The following ADGRL2 variants were observed in gnomAD, a reference collection of about 807,000 sequenced individuals.
ADGRL2 encodes calcium-independent alpha-latrotoxin receptor 2.
A neutral mutation model predicts 157.4 loss-of-function variants in ADGRL2; 44 were observed. The observed-to-expected ratio is 0.28, with a 90% CI of 0.22 to 0.36. The LOEUF is 0.36. ADGRL2 is among the 10% of genes least tolerant of loss of function. The probability of loss-of-function intolerance (pLI) is 1.00; values close to 1 mark genes in which losing one functional copy is unlikely to be tolerated. For synonymous variants in ADGRL2, 585 were observed against 624.7 expected (o/e 0.94, Z 0.95); for missense variants, 1,510 against 1,768.9 (o/e 0.85, Z 2.63).
intron 1 of ADGRL2, among the ~76,000 whole-genome samples, chr1:81,423,997 G>A (rs2077169917): frequency 1.3e-5 from 2 of 152,178 alleles, no homozygotes; most frequent in African/African-American, 4.8e-5. Flanking sequence ...ATCTATAATA[G>A]TTAAGAAGCT....
intron 3 of ADGRL2, among the ~76,000 whole-genome samples, chr1:81,682,103 ATGTGTGTGTGTG>A (rs57943530): frequency 1.4e-5 from 2 of 147,928 alleles, no homozygotes; most frequent in Non-Finnish European, 3.0e-5. Context: ...ATACATATAT[ATGTGTGTGTGTG>A]TGTGTGTGTG....
At chr1:81,430,872 A>C (rs1397907456) in intron 1 of ADGRL2, among the ~76,000 whole-genome samples, 1 of 152,110 alleles carries the variant, frequency 6.6e-6, no homozygotes, top group Non-Finnish European at 1.5e-5. Flanking sequence ...CCAAGTATTT[A>C]TTTGATTTGT....
chr1:81,581,079 G>A lies in ADGRL2; in HGVS notation c.-143+99G>A, dbSNP rs547843523. Reference sequence around the variant, plus strand: ...ATTCCAATATGCTCCTTTTGTAAAAGATGTGGGAAAAAGAGAACACACAAG... The same window carrying A: ...ATTCCAATATGCTCCTTTTGTAAAAAATGTGGGAAAAAGAGAACACACAAG... On this transcript the variant is annotated intron_variant, in intron 3 of 24. Transcript: ENST00000370721. 3.3e-5 allele frequency: 5 copies of A among 152,242 alleles called. No individual in the cohort carries two copies. In the South Asian group the frequency reaches 1.0e-3, roughly 32 times the overall value. 9.4% of individuals were successfully genotyped at this position (152,242 alleles called of 1,614,324 possible).
At chr1:81,987,788 C>G (rs970814867) in intron 22 of ADGRL2, 81 bp from the exon 23 acceptor site, 1 of 262,074 alleles carries the variant, frequency 3.8e-6, no homozygotes, top group Non-Finnish European at 8.1e-6. Flanking sequence ...CCATTTTTTT[C>G]TTAAAATTAT....
At chr1:81,378,327 G>A (rs571249803) in intron 1 of ADGRL2, among the ~76,000 whole-genome samples, 3 of 152,040 alleles carry the variant, frequency 2.0e-5, no homozygotes, top group Non-Finnish European at 4.4e-5. Context: ...GAGGCAAGAG[G>A]ATGGCTTGAG....
chr1:81,846,523 G>A (rs761970351), intron 2 of ADGRL2, among the ~76,000 whole-genome samples: 2 of 151,584 alleles, frequency 1.3e-5, no homozygotes, highest in Non-Finnish European at 2.9e-5. Flanking sequence ...ATGAAGCCTG[G>A]TTAAGTTTTG....
At chr1:81,910,104 G>T (rs1371195173) in intron 3 of ADGRL2, among the ~76,000 whole-genome samples, 1 of 151,960 alleles carries the variant, frequency 6.6e-6, no homozygotes, top group Non-Finnish European at 1.5e-5. Context: ...GCCAGGCGTG[G>T]TGGCAGGCAC....
At chr1:81,691,851 CAT>C (rs371071574) in intron 3 of ADGRL2, among the ~76,000 whole-genome samples, 21 of 106,012 alleles carry the variant, frequency 2.0e-4, no homozygotes, top group Middle Eastern at 6.0e-3. Context: ...GGCAAAATGG[CAT>C]ATATATATAT....
At chr1:81,752,895 A>T (rs2085536301) in intron 1 of ADGRL2, among the ~76,000 whole-genome samples, 1 of 152,264 alleles carries the variant, frequency 6.6e-6, no homozygotes, top group Non-Finnish European at 1.5e-5. Flanking sequence ...AAGAAAATTT[A>T]GTAGAAATAA....
chr1:81,431,292 C>T (rs1348428369), intron 1 of ADGRL2, among the ~76,000 whole-genome samples: 2 of 152,068 alleles, frequency 1.3e-5, no homozygotes, highest in African/African-American at 4.8e-5. Flanking sequence ...GAATTGACTA[C>T]TAGTGGCCAG....
chr1:81,550,809 G>C (rs2080127463), intron 2 of ADGRL2, among the ~76,000 whole-genome samples: 2 of 149,384 alleles, frequency 1.3e-5, no homozygotes, highest in Non-Finnish European at 3.0e-5. Context: ...TATGCTTTCC[G>C]TTCTACCCTC....
chr1:81,831,164 A>G (rs1052580217), intron 1 of ADGRL2, among the ~76,000 whole-genome samples: 1 of 152,152 alleles, frequency 6.6e-6, no homozygotes, highest in East Asian at 1.9e-4. Context: ...TTAAAGATAC[A>G]TTGCTAGTTA....
intron 2 of ADGRL2, among the ~76,000 whole-genome samples, chr1:81,879,919 C>T (rs114505923): frequency 0.02 from 2,979 of 152,172 alleles, 50 homozygotes; most frequent in Non-Finnish European, 0.028. Flanking sequence ...CCCTGCTACT[C>T]AGGTGGCTGA....
At position 81,980,872 on chromosome 1, in the gene ADGRL2, G is replaced by A. The variant is rs779470789; in HGVS notation, c.3113+912G>A. Reference sequence around the variant, plus strand: ...AGAACCCTACATTAACAAATTTATGGCATGATTTGTATTTTTTACAAATTC... The same window carrying A: ...AGAACCCTACATTAACAAATTTATGACATGATTTGTATTTTTTACAAATTC... On this transcript the variant is annotated intron_variant, in intron 18 of 23. Transcript: ENST00000686636. The A allele has an allele frequency of 1.4e-5, 9 of 639,408 alleles. No individual in the cohort carries two copies. The East Asian group carries it at 2.4e-4, about 17-fold the overall frequency. 39.6% of individuals were successfully genotyped at this position (639,408 alleles called of 1,614,324 possible). A position where few individuals can be genotyped will look rare whatever the true frequency, so the allele number is the denominator to read the frequency against.
chr1:81,896,944 G>T (rs967882835), intron 2 of ADGRL2, among the ~76,000 whole-genome samples: 1 of 152,142 alleles, frequency 6.6e-6, no homozygotes, highest in South Asian at 2.1e-4. Context: ...CATTATAGTA[G>T]TGAACCAGAT....
chr1:81,355,835 A>G (rs1196741536), intron 1 of ADGRL2, among the ~76,000 whole-genome samples: 6 of 152,158 alleles, frequency 3.9e-5, no homozygotes, highest in Non-Finnish European at 5.9e-5. Context: ...ACCTGACCTT[A>G]TCTCTGTCTT....
intron 1 of ADGRL2, among the ~76,000 whole-genome samples, chr1:81,826,384 A>G (rs2091482264): frequency 6.6e-6 from 1 of 152,232 alleles, no homozygotes; most frequent in African/African-American, 2.4e-5. Context: ...ACATATGACT[A>G]TATAAAACAT....
At chr1:81,775,720 G>A (rs1439389927) in intron 2 of ADGRL2, among the ~76,000 whole-genome samples, 1 of 152,086 alleles carries the variant, frequency 6.6e-6, no homozygotes, top group Non-Finnish European at 1.5e-5. Flanking sequence ...TCAACAGCCA[G>A]GAGCACTCTG....
chr1:81,967,553 G>A (rs966480499), intron 13 of ADGRL2, among the ~76,000 whole-genome samples: 2 of 152,112 alleles, frequency 1.3e-5, no homozygotes, highest in Admixed American at 6.5e-5. Flanking sequence ...GAGCCACCGC[G>A]CCCGGCCTAT....
Sources: gnomAD v4.1 joint callset for allele counts (sites outside exome capture counted in the v4.1 genomes callset) on GRCh38, gnomAD v4.1.1 for gene constraint, MANE v1.5 for transcripts, NCBI Gene and HGNC (gene_info 2026-07-23, HGNC 2026-07-21) for gene names.